The following PARP16 variants were observed in gnomAD, a reference collection of about 807,000 sequenced individuals.
PARP16 encodes the protein poly(ADP-ribose) polymerase family member 16.
In PARP16, 31 loss-of-function variants were observed where a neutral mutation model predicts 35.0. The observed-to-expected ratio is 0.88, with a 90% confidence interval of 0.66 to 1.19. PARP16 has a LOEUF of 1.19. PARP16 is among the 50% of genes most tolerant of loss of function. PARP16 has a pLI of 0.00. For synonymous variants in PARP16, 162 were observed against 169.5 expected, an observed-to-expected ratio of 0.96 and a Z score of 0.34; for missense variants, 424 against 411.2, an observed-to-expected ratio of 1.03 and a Z score of -0.27.
At chr15:65,231,601 C>T (rs2088779096), downstream of PARP16, among the ~76,000 whole-genome samples, 1 of 151,940 alleles carries the variant, frequency 6.6e-6, no homozygotes, top group South Asian at 2.1e-4. Flanking sequence ...AGGCGCACCA[C>T]CACTCCCAGC....
intron 2 of PARP16, among the ~76,000 whole-genome samples, chr15:65,270,319 A>T (rs2090052822): frequency 6.6e-6 from 1 of 152,186 alleles, no homozygotes; most frequent in African/African-American, 2.4e-5. Context: ...CACACATTTT[A>T]TCAGTGCCCC....
intron 1 of PARP16, chr15:65,282,701 G>A (rs1173007631): frequency 6.6e-6 from 1 of 152,174 alleles, no homozygotes; most frequent in Non-Finnish European, 1.5e-5. Flanking sequence ...TCAAGAGAAA[G>A]GGTAACTATC....
rs763280801 is a variant in PARP16 at position 65,266,696 on chromosome 15, C to G, written c.385G>C (p.Glu129Gln). The change falls in exon 3 of 6, where the codon GAG (glutamate) becomes CAG (glutamine). Residue 129 changes from glutamate to glutamine, a missense_variant. Coordinates refer to ENST00000649807, the MANE Select transcript of PARP16 (RefSeq NM_001316943.2). ...TTGGCGTTGGCTGGGTCAAAGTACTCAATTTCAAACAGGAAGTCCGGTGCA... is the reference window on the plus strand; with the variant it reads ...TTGGCGTTGGCTGGGTCAAAGTACTGAATTTCAAACAGGAAGTCCGGTGCA... ...VPAPDFLFEI[E>Q]YFDPANAKFY... 5 of 1,614,144 alleles carry G rather than the reference C, an allele frequency of 3.1e-6. No homozygotes were observed. The South Asian group carries it at 5.5e-5, about 18-fold the overall frequency.
intron 3 of PARP16, among the ~76,000 whole-genome samples, chr15:65,263,550 C>A (rs1359820380): frequency 6.6e-6 from 1 of 152,172 alleles, no homozygotes; most frequent in African/African-American, 2.4e-5. Flanking sequence ...GGCCATCTGG[C>A]CTGGCAAACT....
At chr15:65,271,355 C>T (rs2090087608) in intron 1 of PARP16, among the ~76,000 whole-genome samples, 1 of 152,032 alleles carries the variant, frequency 6.6e-6, no homozygotes. Flanking sequence ...CTCACTGCAG[C>T]CTCTGCCTCC....
chr15:65,286,580 G>C lies in PARP16; in HGVS notation c.-154C>G. The C allele has an allele frequency of 1.9e-6, 1 of 527,834 alleles. No individual in the cohort carries two copies. The highest frequency in any genetic ancestry group is 3.2e-6 in the Non-Finnish European group (1 of 309,334). 32.7% of individuals were successfully genotyped at this position (527,834 alleles called of 1,614,324 possible). A position where few individuals can be genotyped will look rare whatever the true frequency, so the allele number is the denominator to read the frequency against. The stretch of plus-strand genomic sequence containing the variant: ...CTAGGCAGGGGGCTGAGATGACAGG[G>C]GTGAGAACGTGCCGACAAGTGTCCT... On this transcript the variant is annotated 5_prime_UTR_variant, in exon 1 of 6. Coordinates refer to ENST00000649807, the MANE Select transcript of PARP16 (RefSeq NM_001316943.2).
In PARP16 at chr15:65,286,298, G is replaced by A. The variant is rs748193657; in HGVS notation, c.129C>T (p.Phe43=). The change falls in exon 1 of 6, where the codon TTC becomes TTT. Residue 43 remains phenylalanine, a synonymous_variant. Transcript: ENST00000649807. ...SYKRDSVLRP[F]PASYARGDCK... ...AGTCGCCGCGGGCGTAGGACGCGGG[G>A]AAGGGCCGCAGCACCGAGTCGCGCT... The A allele has an allele frequency of 3.7e-6, 6 of 1,602,124 alleles. No homozygotes were observed. In the South Asian group the frequency reaches 4.5e-5, roughly 12 times the overall value.
intron 2 of PARP16, among the ~76,000 whole-genome samples, chr15:65,249,148 G>A (rs559584763): frequency 9.2e-5 from 14 of 152,326 alleles, no homozygotes; most frequent in African/African-American, 2.6e-4. Context: ...AGCCCCTAGC[G>A]TCATCCAAAC....
intron 3 of PARP16, among the ~76,000 whole-genome samples, chr15:65,246,675 AG>A (rs1317571681): frequency 6.6e-6 from 1 of 152,210 alleles, no homozygotes; most frequent in East Asian, 1.9e-4. Flanking sequence ...TGTCTTTCAT[AG>A]TACTTATCTG....
At chr15:65,271,986 T>A (rs913413282) in intron 1 of PARP16, among the ~76,000 whole-genome samples, 8 of 152,172 alleles carry the variant, frequency 5.3e-5, no homozygotes, top group Non-Finnish European at 1.0e-4. Flanking sequence ...GTGACAATGT[T>A]TTGTTGGAAC....
At position 65,260,199 on chromosome 15, in the gene PARP16, G is replaced by A. The variant is rs371022512; in HGVS notation, c.834-657C>T. ...CCACTGGTGTGTACAAGCAGGAGTG[G>A]GGATTATTTAAAGTGACCCCTTTTC... On this transcript the variant is annotated intron_variant, in intron 5 of 5. Transcript: ENST00000649807. Among the ~76,000 whole-genome samples the A allele has an allele frequency of 5.7e-4, 87 of 152,204 alleles. No individual in the cohort carries two copies. In the South Asian group the frequency reaches 0.012, roughly 22 times the overall value.
chr15:65,283,016 C>T (rs578170036), intron 1 of PARP16, among the ~76,000 whole-genome samples: 2 of 152,332 alleles, frequency 1.3e-5, no homozygotes, highest in East Asian at 1.9e-4. Flanking sequence ...AACAACTCCA[C>T]AAGCCCCTTT....
intron 2 of PARP16, among the ~76,000 whole-genome samples, chr15:65,269,876 T>C (rs193050500): frequency 6.6e-6 from 1 of 152,258 alleles, no homozygotes; most frequent in East Asian, 1.9e-4. Flanking sequence ...GATGCCCATA[T>C]GAGGTAAGAA....
At chr15:65,268,138 T>C (rs1030583788) in intron 2 of PARP16, among the ~76,000 whole-genome samples, 1 of 152,186 alleles carries the variant, frequency 6.6e-6, no homozygotes, top group Non-Finnish European at 1.5e-5. Flanking sequence ...CATCAAAAGA[T>C]GGAACCTACT....
downstream of PARP16, among the ~76,000 whole-genome samples, chr15:65,254,797 C>A (rs1361231367): frequency 1.3e-5 from 2 of 152,110 alleles, no homozygotes; most frequent in East Asian, 3.8e-4. Context: ...AACTCTCCAC[C>A]CCTCTCCTGG....
chr15:65,266,082 C>G (rs2089881971), intron 3 of PARP16, among the ~76,000 whole-genome samples: 1 of 152,170 alleles, frequency 6.6e-6, no homozygotes, highest in Non-Finnish European at 1.5e-5. Flanking sequence ...GCACCCACCA[C>G]CATGCCCGGC....
At chr15:65,231,685 T>A (rs2088779752), downstream of PARP16, among the ~76,000 whole-genome samples, 1 of 152,160 alleles carries the variant, frequency 6.6e-6, no homozygotes, top group Non-Finnish European at 1.5e-5. Flanking sequence ...TGACCTCAAG[T>A]GATCTGCCCA....
intron 1 of PARP16, among the ~76,000 whole-genome samples, chr15:65,286,023 A>G (rs1269906449): frequency 6.6e-6 from 1 of 152,194 alleles, no homozygotes; most frequent in Non-Finnish European, 1.5e-5. Flanking sequence ...TTTGTCATTG[A>G]CAGGAGAGAA....
At chr15:65,263,359 T>C in intron 3 of PARP16, 39 bp from the exon 4 acceptor site, 4 of 1,519,886 alleles carry the variant, frequency 2.6e-6, no homozygotes, top group Non-Finnish European at 3.6e-6. Flanking sequence ...ACACAGATGG[T>C]TGAATGTACA....
Sources: gnomAD v4.1 joint callset for allele counts (sites outside exome capture counted in the v4.1 genomes callset) on GRCh38, gnomAD v4.1.1 for gene constraint, MANE v1.5 for transcripts, NCBI Gene and HGNC (gene_info 2026-07-23, HGNC 2026-07-21) for gene names.